STXBP5L: variants seen among roughly 807,000 people sequenced by gnomAD.
STXBP5L encodes syntaxin-binding protein 5-like.
Under a neutral mutation model 144.5 loss-of-function variants are expected in STXBP5L, and 65 were observed. That is an observed-to-expected ratio of 0.45 (90% CI 0.37 to 0.55). The LOEUF (loss-of-function observed/expected upper bound fraction) is 0.55, where lower values mean the gene tolerates loss of function less well. Ranked by LOEUF, STXBP5L falls within the 20% of genes least tolerant of loss-of-function variation. The pLI is 0.00. For synonymous variants in STXBP5L, 505 were observed against 469.6 expected, an observed-to-expected ratio of 1.08 and a Z score of -0.97; for missense variants, 1,298 against 1,405.5, an observed-to-expected ratio of 0.92 and a Z score of 1.22.
Position 121,062,381 on chromosome 3 carries a change from C to G in STXBP5L, c.470+16846C>G, listed in dbSNP as rs1230110799. 2.0e-5 allele frequency among the ~76,000 whole-genome samples: 3 copies of G among 152,238 alleles called. No individual in the cohort carries two copies. In the East Asian group the frequency reaches 5.8e-4, roughly 29 times the overall value. On this transcript the variant is annotated intron_variant, in intron 5 of 26. Transcript: ENST00000471454. Reference sequence around the variant, plus strand: ...GATCTGCTGTTAGTCTGATGGGCTTCCCTTTGTGGCTAACCTGACCTTTCT... The same window carrying G: ...GATCTGCTGTTAGTCTGATGGGCTTGCCTTTGTGGCTAACCTGACCTTTCT...
intron 5 of STXBP5L, among the ~76,000 whole-genome samples, chr3:121,098,192 C>T (rs765977072): frequency 1.3e-5 from 2 of 152,074 alleles, no homozygotes; most frequent in African/African-American, 4.8e-5. Context: ...TTGATGACTG[C>T]CCTTTTTCAG....
chr3:121,049,399 T>C (rs1191771186), intron 5 of STXBP5L, among the ~76,000 whole-genome samples: 1 of 152,052 alleles, frequency 6.6e-6, no homozygotes, highest in African/African-American at 2.4e-5. Context: ...CAGTGAGAAG[T>C]AGCAGGGGTG....
At chr3:120,933,172 G>T (rs146129281) in intron 2 of STXBP5L, among the ~76,000 whole-genome samples, 6,045 of 151,538 alleles carry the variant, frequency 0.04, 169 homozygotes, top group Middle Eastern at 0.083. Context: ...ATTGTGCACA[G>T]GTACCCTAAA....
intron 7 of STXBP5L, among the ~76,000 whole-genome samples, chr3:121,133,458 G>T (rs1414507722): frequency 6.6e-6 from 1 of 152,122 alleles, no homozygotes; most frequent in Non-Finnish European, 1.5e-5. Context: ...TTGCAGGACA[G>T]AAAGGAGTGG....
intron 3 of STXBP5L, among the ~76,000 whole-genome samples, chr3:120,987,624 T>C (rs1223375792): frequency 6.6e-6 from 1 of 151,932 alleles, no homozygotes; most frequent in African/African-American, 2.4e-5. Context: ...TATCAGTTTT[T>C]TAAAAAATAG....
At chr3:121,178,788 C>T (rs1440063524) in intron 9 of STXBP5L, among the ~76,000 whole-genome samples, 1 of 152,118 alleles carries the variant, frequency 6.6e-6, no homozygotes, top group African/African-American at 2.4e-5. Context: ...AGCTCAAGCC[C>T]AGGGAAGCCA....
intron 14 of STXBP5L, among the ~76,000 whole-genome samples, chr3:121,246,457 C>A (rs1163115260): frequency 6.6e-6 from 1 of 152,070 alleles, no homozygotes; most frequent in Non-Finnish European, 1.5e-5. Context: ...CGATTATATT[C>A]TGTATATTAA....
At chr3:121,067,964 T>C (rs976995789) in intron 5 of STXBP5L, among the ~76,000 whole-genome samples, 1 of 152,244 alleles carries the variant, frequency 6.6e-6, no homozygotes, top group Non-Finnish European at 1.5e-5. Context: ...AATGTCTTCA[T>C]AGTCATTTTT....
chr3:121,132,250 T>C (rs1325878935), intron 7 of STXBP5L, among the ~76,000 whole-genome samples: 1 of 152,010 alleles, frequency 6.6e-6, no homozygotes, highest in Non-Finnish European at 1.5e-5. Flanking sequence ...ACCCCTTAGG[T>C]TGAAAAGAGT....
At chr3:121,206,097 A>C in intron 10 of STXBP5L, 96 bp downstream of exon 10, 1 of 667,234 alleles carries the variant, frequency 1.5e-6, no homozygotes. Context: ...GTTTTACAAA[A>C]TTGTAAAGAC....
At position 121,259,092 on chromosome 3, in the gene STXBP5L, G is replaced by T. The variant is rs1428645252; in HGVS notation, c.1882G>T (p.Val628Phe). ...RMPPGYQAELVIQLVWVDGEP... is the reference protein window; with the variant it reads ...RMPPGYQAELFIQLVWVDGEP... ...GCCTCCAGGATATCAAGCAGAACTT[G>T]TTATTCAATTGGTGTGGGTAGATGG... The change falls in exon 18 of 27, where the codon GTT becomes TTT. Residue 628 changes from valine (V) to phenylalanine (F), a missense_variant. Coordinates refer to ENST00000471454, the MANE Select transcript of STXBP5L (RefSeq NM_001308330.2). The T allele has an allele frequency of 6.2e-7, 1 of 1,606,684 alleles. No individual in the cohort carries two copies. Among genetic ancestry groups the T allele is most frequent in the South Asian group, 1.1e-5 (1 of 89,746 alleles).
intron 10 of STXBP5L, among the ~76,000 whole-genome samples, chr3:121,212,235 A>T (rs898255217): frequency 3.9e-5 from 6 of 151,976 alleles, no homozygotes; most frequent in African/African-American, 1.5e-4. Context: ...CCCATTTGTT[A>T]ATTTTGCCTT....
At chr3:121,129,741 A>G (rs942246112) in intron 7 of STXBP5L, among the ~76,000 whole-genome samples, 1 of 152,022 alleles carries the variant, frequency 6.6e-6, no homozygotes, top group African/African-American at 2.4e-5. Context: ...CATTCTTTGG[A>G]AAGTATACCA....
intron 11 of STXBP5L, among the ~76,000 whole-genome samples, chr3:121,228,113 T>C (rs893643832): frequency 4.6e-5 from 7 of 152,208 alleles, no homozygotes; most frequent in African/African-American, 1.7e-4. Flanking sequence ...TAATAGTTAC[T>C]TATTCAACCA....
At chr3:121,388,132 G>A (rs970514124) in intron 22 of STXBP5L, among the ~76,000 whole-genome samples, 1 of 152,084 alleles carries the variant, frequency 6.6e-6, no homozygotes, top group Admixed American at 6.6e-5. Flanking sequence ...CTTGTAAGTT[G>A]GATTCCTAGG....
chr3:121,392,808 T>TATATAA (rs2046628008), intron 22 of STXBP5L, among the ~76,000 whole-genome samples: 1 of 136,278 alleles, frequency 7.3e-6, no homozygotes, highest in Non-Finnish European at 1.6e-5. Context: ...TATATATATA[T>TATATAA]CACATTTTTA....
intron 10 of STXBP5L, among the ~76,000 whole-genome samples, chr3:121,222,693 G>A (rs1290868139): frequency 6.7e-6 from 1 of 150,360 alleles, no homozygotes; most frequent in African/African-American, 2.5e-5. Context: ...ACCAAGTAAA[G>A]TACGTGAAGA....
At chr3:121,157,025 A>G (rs569326549) in intron 8 of STXBP5L, among the ~76,000 whole-genome samples, 34 of 152,166 alleles carry the variant, frequency 2.2e-4, no homozygotes, top group African/African-American at 7.9e-4. Context: ...CTGAAAATAT[A>G]AAAGAAAATT....
intron 2 of STXBP5L, among the ~76,000 whole-genome samples, chr3:120,954,465 T>C (rs567893795): frequency 1.3e-5 from 2 of 152,124 alleles, no homozygotes; most frequent in Non-Finnish European, 2.9e-5. Flanking sequence ...ATCATTTGTG[T>C]TGTTGCATCT....
Sources: gnomAD v4.1 joint callset for allele counts (sites outside exome capture counted in the v4.1 genomes callset) on GRCh38, gnomAD v4.1.1 for gene constraint, MANE v1.5 for transcripts, NCBI Gene and HGNC (gene_info 2026-07-23, HGNC 2026-07-21) for gene names.